DGKB: variants seen among roughly 807,000 people sequenced by gnomAD.
DGKB encodes the protein diacylglycerol kinase beta, also known as 90 kDa diacylglycerol kinase.
A neutral mutation model predicts 114.3 loss-of-function variants in DGKB; 67 were observed. The ratio of observed to expected loss-of-function variants is 0.59; its 90% CI spans 0.48 to 0.72. The LOEUF (loss-of-function observed/expected upper bound fraction) is 0.72, where lower values mean the gene tolerates loss of function less well. DGKB is among the 30% of genes least tolerant of loss of function. DGKB has a pLI of 0.00. For missense variants in DGKB, 907 were observed against 975.2 expected (o/e 0.93, Z 0.93); for synonymous variants, 398 against 323.1 (o/e 1.23, Z -2.49).
At chr7:14,877,810 T>C (rs1325089209) in intron 1 of DGKB, among the ~76,000 whole-genome samples, 1 of 152,188 alleles carries the variant, frequency 6.6e-6, no homozygotes, top group Admixed American at 6.5e-5. Context: ...CCACAAACAA[T>C]AATTCCTTGA....
chr7:14,342,578 T>C (rs1170517602), intron 22 of DGKB, among the ~76,000 whole-genome samples: 2 of 151,966 alleles, frequency 1.3e-5, no homozygotes, highest in Non-Finnish European at 2.9e-5. Context: ...TAAATACATA[T>C]ATTTTTCAAT....
At chr7:14,211,075 G>A (rs1266291635) in intron 23 of DGKB, among the ~76,000 whole-genome samples, 1 of 151,948 alleles carries the variant, frequency 6.6e-6, no homozygotes, top group Non-Finnish European at 1.5e-5. Context: ...ATCTTTATAG[G>A]TTTCTTCACT....
chr7:14,537,557 T>C (rs947300408), intron 20 of DGKB, among the ~76,000 whole-genome samples: 25 of 152,142 alleles, frequency 1.6e-4, no homozygotes, highest in East Asian at 1.9e-4. Flanking sequence ...CTTCAATACA[T>C]GGTGTTTGTA....
chr7:14,216,031 G>A (rs1490582528), intron 23 of DGKB, among the ~76,000 whole-genome samples: 3 of 152,068 alleles, frequency 2.0e-5, no homozygotes, highest in African/African-American at 7.2e-5. Flanking sequence ...ACTTTAAAGA[G>A]TTGAAAACAA....
intron 22 of DGKB, among the ~76,000 whole-genome samples, chr7:14,342,909 A>C (rs1811845038): frequency 6.6e-6 from 1 of 151,876 alleles, no homozygotes. Context: ...CTGCCAATAA[A>C]ACATGTATCT....
chr7:14,931,770 A>G (rs370030695), intron 1 of DGKB, among the ~76,000 whole-genome samples: 15 of 152,130 alleles, frequency 9.9e-5, no homozygotes, highest in African/African-American at 2.9e-4. Flanking sequence ...GTCCTGGATT[A>G]TAAGATACAC....
chr7:14,609,853 T>C (rs952754896), intron 16 of DGKB, among the ~76,000 whole-genome samples: 1 of 152,042 alleles, frequency 6.6e-6, no homozygotes, highest in Non-Finnish European at 1.5e-5. Flanking sequence ...ATGGCTATTA[T>C]TAAAAAGTCA....
At chr7:14,431,616 A>G (rs760880101) in intron 21 of DGKB, among the ~76,000 whole-genome samples, 2 of 152,186 alleles carry the variant, frequency 1.3e-5, no homozygotes, top group Non-Finnish European at 2.9e-5. Context: ...GCCTTAATGA[A>G]TAAATTTTAT....
At chr7:14,511,880 T>A (rs1788027636) in intron 20 of DGKB, among the ~76,000 whole-genome samples, 1 of 152,116 alleles carries the variant, frequency 6.6e-6, no homozygotes, top group Non-Finnish European at 1.5e-5. Context: ...GGCTGCAGCT[T>A]CTCCATCAGC....
At chr7:14,769,894 A>G (rs1837163103) in intron 2 of DGKB, among the ~76,000 whole-genome samples, 1 of 152,034 alleles carries the variant, frequency 6.6e-6, no homozygotes, top group Non-Finnish European at 1.5e-5. Flanking sequence ...ATCCAGGATA[A>G]TCTCATCGTG....
At chr7:14,632,582 A>G (rs1809943138) in intron 13 of DGKB, among the ~76,000 whole-genome samples, 3 of 151,862 alleles carry the variant, frequency 2.0e-5, no homozygotes, top group Non-Finnish European at 4.4e-5. Context: ...TTAACGCCTA[A>G]AAGTGTGTAA....
intron 23 of DGKB, among the ~76,000 whole-genome samples, chr7:14,213,322 C>A (rs62445575): frequency 0.19 from 29,031 of 151,898 alleles, 2,910 homozygotes; most frequent in Non-Finnish European, 0.22. Flanking sequence ...TCAAGCATGG[C>A]TCCTTATATG....
chr7:14,944,873 T>A (rs965611279), intron 1 of DGKB, among the ~76,000 whole-genome samples: 1 of 151,822 alleles, frequency 6.6e-6, no homozygotes, highest in Non-Finnish European at 1.5e-5. Context: ...AAGTATATCA[T>A]AAGGTAATAT....
intron 2 of DGKB, among the ~76,000 whole-genome samples, chr7:14,774,581 G>A (rs796085562): frequency 2.0e-5 from 3 of 152,254 alleles, no homozygotes; most frequent in African/African-American, 7.2e-5. Context: ...CTTTGAAAAT[G>A]TTATTTAAAA....
intron 2 of DGKB, among the ~76,000 whole-genome samples, chr7:14,826,864 G>A (rs1408311212): frequency 6.6e-6 from 1 of 152,048 alleles, no homozygotes; most frequent in Non-Finnish European, 1.5e-5. Context: ...TCTAAGATAT[G>A]CTCTGAGTGA....
At chr7:14,950,918 T>C (rs1374807513) in intron 1 of DGKB, among the ~76,000 whole-genome samples, 1 of 151,954 alleles carries the variant, frequency 6.6e-6, no homozygotes, top group Non-Finnish European at 1.5e-5. Context: ...ATCTGTTCCA[T>C]GTATGTAAGC....
At chr7:14,596,776 T>C (rs62445564) in intron 17 of DGKB, among the ~76,000 whole-genome samples, 2,879 of 152,290 alleles carry the variant, frequency 0.019, 46 homozygotes, top group Non-Finnish European at 0.027. Flanking sequence ...CCAATACATA[T>C]ACAGGGCATG....
At chr7:14,852,185 T>A (rs1427278523) in intron 1 of DGKB, among the ~76,000 whole-genome samples, 1 of 152,152 alleles carries the variant, frequency 6.6e-6, no homozygotes, top group African/African-American at 2.4e-5. Context: ...TATTTTAACA[T>A]ATGCTGAAAG....
chr7:14,775,041 C>T (rs749405389), intron 2 of DGKB, among the ~76,000 whole-genome samples: 4 of 152,004 alleles, frequency 2.6e-5, no homozygotes, highest in Non-Finnish European at 4.4e-5. Flanking sequence ...ATTTTTCTAC[C>T]TGGAAATGAC....
Sources: allele counts gnomAD v4.1 joint callset (sites outside exome capture counted in the v4.1 genomes callset), GRCh38; gene constraint gnomAD v4.1.1; transcripts MANE v1.5; gene names NCBI Gene and HGNC (gene_info 2026-07-23, HGNC 2026-07-21).